Variants in CCSER1 observed in about 807,000 individuals in gnomAD.
CCSER1 encodes the protein coiled-coil serine rich protein 1, also known as serine-rich coiled-coil domain-containing protein 1.
CCSER1 carries 41 observed loss-of-function variants against 82.0 expected under a neutral mutation model. That is an observed-to-expected ratio of 0.50 (90% CI 0.39 to 0.65). The LOEUF is 0.65. Ranked by LOEUF, CCSER1 falls within the 30% of genes least tolerant of loss-of-function variation. CCSER1 has a pLI of 0.00. For synonymous variants in CCSER1, 414 were observed against 383.9 expected, an observed-to-expected ratio of 1.08 and a Z score of -0.92; for missense variants, 1,119 against 1,064.2, an observed-to-expected ratio of 1.05 and a Z score of -0.72.
At chr4:91,140,838 G>A (rs1728955422) in intron 10 of CCSER1, among the ~76,000 whole-genome samples, 1 of 152,000 alleles carries the variant, frequency 6.6e-6, no homozygotes, top group South Asian at 2.1e-4. Flanking sequence ...GCTTCAGGGG[G>A]TACTTGTCCA....
chr4:90,386,991 T>C (rs1750162450), intron 3 of CCSER1, among the ~76,000 whole-genome samples: 1 of 152,196 alleles, frequency 6.6e-6, no homozygotes, highest in African/African-American at 2.4e-5. Flanking sequence ...AACTTTTCTT[T>C]CTTGTTCATT....
chr4:90,601,796 T>TTATGTTC, intron 5 of CCSER1, among the ~76,000 whole-genome samples: 1 of 152,226 alleles, frequency 6.6e-6, no homozygotes, highest in East Asian at 1.9e-4. Flanking sequence ...TGTTCTACTT[T>TTATGTTC]TATTTTTATT....
chr4:90,193,584 GT>G (rs11321140), intron 1 of CCSER1, among the ~76,000 whole-genome samples: 84,674 of 147,940 alleles, frequency 0.57, 24,273 homozygotes, highest in East Asian at 0.83. Flanking sequence ...ATATTACCTA[GT>G]TTTTTTTTTT....
intron 10 of CCSER1, among the ~76,000 whole-genome samples, chr4:91,271,417 T>G (rs1243055799): frequency 6.6e-6 from 1 of 152,142 alleles, no homozygotes; most frequent in East Asian, 1.9e-4. Flanking sequence ...TCTCACCCCC[T>G]TCCCACCCTT....
chr4:90,310,596 T>C (rs778271708), intron 2 of CCSER1, among the ~76,000 whole-genome samples: 14 of 152,072 alleles, frequency 9.2e-5, no homozygotes, highest in Non-Finnish European at 1.9e-4. Context: ...TAATAATTCA[T>C]TTATTGGGAT....
rs760749017 is a variant in CCSER1, at chr4:91,434,030, A to ACTCT, written c.2218-164541_2218-164538dup. Among the ~76,000 whole-genome samples the ACTCT allele has an allele frequency of 1.6e-3, 251 of 152,198 alleles. 1 individual carries two copies. The highest frequency in any genetic ancestry group is 2.1e-3 in the Non-Finnish European group (144 of 68,016). On this transcript the variant is annotated intron_variant, in intron 10 of 10. Coordinates refer to ENST00000509176, the MANE Select transcript of CCSER1 (RefSeq NM_001145065.2). ...AGACCGCTTGAGGAAGGAGCTCCTGACTCTGTCTGAGGGCGACTTCTGGAG... is the reference window on the plus strand; with the variant it reads ...AGACCGCTTGAGGAAGGAGCTCCTGACTCTCTCTGTCTGAGGGCGACTTCTGGAG...
At chr4:90,999,449 A>G (rs985473556) in intron 9 of CCSER1, among the ~76,000 whole-genome samples, 6 of 152,082 alleles carry the variant, frequency 3.9e-5, no homozygotes, top group Admixed American at 1.3e-4. Flanking sequence ...TAATATCTCA[A>G]TGTGGTTTCA....
Position 90,308,388 on chromosome 4 carries a change from C to G in CCSER1, c.104C>G (p.Ser35Cys), listed in dbSNP as rs1386701067. 1 of 1,613,646 alleles carries G rather than the reference C, an allele frequency of 6.2e-7. No individual in the cohort carries two copies. Among genetic ancestry groups the G allele is most frequent in the Non-Finnish European group, 8.5e-7 (1 of 1,179,830 alleles). ...RHDSLPSSPS[S>C]SNTVGVHSSS... ...GATTCTCTTCCTTCTTCACCTTCTT[C>G]CAGTAATACAGTTGGTGTCCACAGT... The change falls in exon 2 of 11, where the codon TCC becomes TGC. Residue 35 changes from serine (S) to cysteine (C), a missense_variant. By Grantham distance (112) the Ser-to-Cys change is moderately radical. Transcript: ENST00000509176.
At chr4:91,452,738 A>G (rs1755938602) in intron 10 of CCSER1, among the ~76,000 whole-genome samples, 1 of 152,038 alleles carries the variant, frequency 6.6e-6, no homozygotes, top group East Asian at 1.9e-4. Flanking sequence ...TAAAGCTAAT[A>G]AAGACTGGAG....
In CCSER1 at chr4:91,599,103, T is replaced by C; in HGVS notation, c.*46T>C. ...CTTTGGGTAGGATAAAGATGGTTAG[T>C]GTTTCTCGTGCATAGTTCATATTAA... On this transcript the variant is annotated 3_prime_UTR_variant, in exon 11 of 11. Transcript: ENST00000509176. The C allele has an allele frequency of 1.4e-6, 2 of 1,470,980 alleles. No homozygotes were observed. Among genetic ancestry groups the C allele is most frequent in the South Asian group, 2.8e-5 (2 of 72,134 alleles). 91.1% of individuals were successfully genotyped at this position (1,470,980 alleles called of 1,614,324 possible).
chr4:91,528,902 C>A (rs1380921210), intron 10 of CCSER1, among the ~76,000 whole-genome samples: 1 of 152,084 alleles, frequency 6.6e-6, no homozygotes, highest in African/African-American at 2.4e-5. Context: ...ACTTCTGGGA[C>A]ACAGAGAAAA....
intron 7 of CCSER1, among the ~76,000 whole-genome samples, chr4:90,811,085 C>T (rs574610256): frequency 1.5e-4 from 23 of 152,024 alleles, no homozygotes; most frequent in South Asian, 4.1e-4. Context: ...GTGATCCGCC[C>T]GCGTCGGCCT....
intron 1 of CCSER1, among the ~76,000 whole-genome samples, chr4:90,163,102 G>T (rs867764703): frequency 7.9e-5 from 12 of 151,680 alleles, no homozygotes; most frequent in African/African-American, 2.9e-4. Flanking sequence ...ACTTATTTTA[G>T]CATTATTTTA....
At chr4:90,259,744 A>G (rs1000018630) in intron 1 of CCSER1, among the ~76,000 whole-genome samples, 1 of 152,106 alleles carries the variant, frequency 6.6e-6, no homozygotes, top group Non-Finnish European at 1.5e-5. Context: ...AATTCTAGCT[A>G]TGTGATATAT....
At chr4:91,180,442 C>T (rs1403086878) in intron 10 of CCSER1, among the ~76,000 whole-genome samples, 1 of 152,220 alleles carries the variant, frequency 6.6e-6, no homozygotes, top group African/African-American at 2.4e-5. Flanking sequence ...CCTTCTTGAG[C>T]TGTGGTGGGC....
intron 7 of CCSER1, among the ~76,000 whole-genome samples, chr4:90,737,177 G>GT (rs2149428191): frequency 6.6e-6 from 1 of 152,118 alleles, no homozygotes; most frequent in South Asian, 2.1e-4. Context: ...ATATTCTGTG[G>GT]TTTTCTGTGT....
intron 10 of CCSER1, among the ~76,000 whole-genome samples, chr4:91,141,119 C>T (rs1217194838): frequency 4.6e-5 from 7 of 151,676 alleles, no homozygotes; most frequent in African/African-American, 1.7e-4. Flanking sequence ...GCCTCCAGCT[C>T]CATCCATGTT....
At chr4:91,533,113 A>G (rs1195339290) in intron 10 of CCSER1, among the ~76,000 whole-genome samples, 1 of 152,184 alleles carries the variant, frequency 6.6e-6, no homozygotes, top group African/African-American at 2.4e-5. Context: ...TGCACGGGCA[A>G]TAAGTTATTA....
intron 9 of CCSER1, chr4:91,017,414 A>C (rs1739528176): frequency 6.6e-6 from 1 of 152,132 alleles, no homozygotes; most frequent in South Asian, 2.1e-4. Context: ...TTCTTTTTTT[A>C]ACTTCTATTT....
Sources: gnomAD v4.1 joint callset for allele counts (sites outside exome capture counted in the v4.1 genomes callset) on GRCh38, gnomAD v4.1.1 for gene constraint, MANE v1.5 for transcripts, NCBI Gene and HGNC (gene_info 2026-07-23, HGNC 2026-07-21) for gene names.